MAGI2: variants seen among roughly 807,000 people sequenced by gnomAD.
The protein encoded by MAGI2 is membrane-associated guanylate kinase, WW and PDZ domain-containing protein 2.
Under a neutral mutation model 133.3 loss-of-function variants are expected in MAGI2, and 35 were observed. That is an observed-to-expected ratio of 0.26 (90% CI 0.20 to 0.35). The LOEUF is 0.35. Ranked by LOEUF, MAGI2 falls within the 10% of genes least tolerant of loss-of-function variation. The probability of loss-of-function intolerance (pLI) is 1.00; values close to 1 mark genes in which losing one functional copy is unlikely to be tolerated. For synonymous variants in MAGI2, 729 were observed against 710.6 expected (o/e 1.03, Z -0.41); for missense variants, 1,636 against 1,863.4 (o/e 0.88, Z 2.25).
intron 1 of MAGI2, among the ~76,000 whole-genome samples, chr7:79,134,271 A>G (rs1033307481): frequency 6.6e-6 from 1 of 152,230 alleles, no homozygotes; most frequent in Non-Finnish European, 1.5e-5. Flanking sequence ...TAATAATCAA[A>G]AGAGAAAAAT....
intron 10 of MAGI2, among the ~76,000 whole-genome samples, chr7:78,204,810 C>A (rs1829581364): frequency 6.6e-6 from 1 of 151,856 alleles, no homozygotes; most frequent in Non-Finnish European, 1.5e-5. Context: ...GAACATAAAA[C>A]AAAAGAGAAT....
At chr7:78,578,031 A>G (rs11764372) in intron 3 of MAGI2, among the ~76,000 whole-genome samples, 20 of 146,498 alleles carry the variant, frequency 1.4e-4, no homozygotes, top group Non-Finnish European at 2.2e-4. Context: ...TGTGAAAAAG[A>G]CCAAAAAAAA....
chr7:78,212,056 C>T (rs1787814701), intron 10 of MAGI2, among the ~76,000 whole-genome samples: 1 of 152,184 alleles, frequency 6.6e-6, no homozygotes, highest in African/African-American at 2.4e-5. Context: ...TTTGCATTTT[C>T]CTGTAAGTAT....
At chr7:78,191,225 T>C (rs898703423) in intron 12 of MAGI2, among the ~76,000 whole-genome samples, 1 of 151,528 alleles carries the variant, frequency 6.6e-6, no homozygotes, top group South Asian at 2.1e-4. Context: ...GGGGAAATAA[T>C]TCTTTTTTTT....
intron 1 of MAGI2, among the ~76,000 whole-genome samples, chr7:79,033,224 TGGACC>T (rs1810777273): frequency 6.6e-6 from 1 of 152,204 alleles, no homozygotes; most frequent in African/African-American, 2.4e-5. Context: ...CAGAAGGTGA[TGGACC>T]ATAGGCAAAT....
At chr7:78,485,741 G>A (rs901632968) in intron 6 of MAGI2, 2 of 151,872 alleles carry the variant, frequency 1.3e-5, no homozygotes, top group Non-Finnish European at 2.9e-5. Flanking sequence ...TAAATAGTAA[G>A]CACACATATA....
chr7:78,633,401 G>GT (rs375373847), intron 2 of MAGI2, among the ~76,000 whole-genome samples: 192 of 151,646 alleles, frequency 1.3e-3, no homozygotes, highest in African/African-American at 4.2e-3. Flanking sequence ...GAACCTAAAA[G>GT]TTTTTTTTTA....
chr7:78,939,924 C>T (rs1018876887), intron 2 of MAGI2: 3 of 152,138 alleles, frequency 2.0e-5, no homozygotes, highest in Non-Finnish European at 4.4e-5. Flanking sequence ...AATCTAAACA[C>T]GCTGTTGCCT....
At chr7:78,274,662 A>T (rs1247923159) in intron 9 of MAGI2, among the ~76,000 whole-genome samples, 1 of 151,980 alleles carries the variant, frequency 6.6e-6, no homozygotes, top group Non-Finnish European at 1.5e-5. Context: ...CTAGAGAGGA[A>T]GTCTGGCTGC....
chr7:79,058,109 G>T (rs1369251558), intron 1 of MAGI2, among the ~76,000 whole-genome samples: 1 of 151,950 alleles, frequency 6.6e-6, no homozygotes, highest in East Asian at 1.9e-4. Flanking sequence ...GAGGGGGGAA[G>T]AAGAACAAAG....
chr7:79,314,858 A>T (rs1471273934), intron 1 of MAGI2, among the ~76,000 whole-genome samples: 4 of 152,192 alleles, frequency 2.6e-5, no homozygotes, highest in Admixed American at 6.5e-5. Context: ...CTCTTGGTAG[A>T]ATTTTGGAGC....
At chr7:79,309,401 T>C (rs1326769913) in intron 1 of MAGI2, among the ~76,000 whole-genome samples, 1 of 150,318 alleles carries the variant, frequency 6.7e-6, no homozygotes, top group Non-Finnish European at 1.5e-5. Context: ...ATTATATCTA[T>C]ATATAATATA....
intron 2 of MAGI2, among the ~76,000 whole-genome samples, chr7:78,649,242 A>AAAAAAAAAAAAAAAAAAAAAAG (rs1554512645): frequency 6.7e-6 from 1 of 149,548 alleles, no homozygotes; most frequent in Non-Finnish European, 1.5e-5. Context: ...AAAAGAAAAA[A>AAAAAAAAAAAAAAAAAAAAAAG]AAAGAAAAAA....
intron 4 of MAGI2, among the ~76,000 whole-genome samples, chr7:78,511,931 TAA>T (rs369351062): frequency 1.4e-5 from 2 of 145,504 alleles, no homozygotes; most frequent in African/African-American, 5.0e-5. Context: ...TCGTCTCTAC[TAA>T]AAAAAAAACA....
At chr7:78,594,475 T>C (rs1489924264) in intron 3 of MAGI2, among the ~76,000 whole-genome samples, 1 of 152,228 alleles carries the variant, frequency 6.6e-6, no homozygotes, top group Non-Finnish European at 1.5e-5. Flanking sequence ...GTTGTTTTTT[T>C]TGAGACAGAG....
intron 1 of MAGI2, among the ~76,000 whole-genome samples, chr7:79,378,791 G>C (rs909487096): frequency 6.6e-6 from 1 of 150,652 alleles, no homozygotes; most frequent in Non-Finnish European, 1.5e-5. Context: ...CAGTGCGACT[G>C]AGGCATCTAG....
At chr7:79,413,871 T>A (rs997224886) in intron 1 of MAGI2, 1 of 152,212 alleles carries the variant, frequency 6.6e-6, no homozygotes, top group Non-Finnish European at 1.5e-5. Flanking sequence ...TCTGCATCTA[T>A]ACCACTCCTT....
At chr7:78,246,454 A>G (rs1791792093) in intron 10 of MAGI2, among the ~76,000 whole-genome samples, 1 of 152,112 alleles carries the variant, frequency 6.6e-6, no homozygotes. Flanking sequence ...ATCCCAGAGA[A>G]ACAGCATTGG....
At chr7:78,999,158 A>C (rs546961845) in intron 2 of MAGI2, among the ~76,000 whole-genome samples, 1 of 152,188 alleles carries the variant, frequency 6.6e-6, no homozygotes, top group African/African-American at 2.4e-5. Context: ...CTCCTATGAA[A>C]AAAAGGAAAG....
Sources: gnomAD v4.1 joint callset for allele counts (sites outside exome capture counted in the v4.1 genomes callset) on GRCh38, gnomAD v4.1.1 for gene constraint, MANE v1.5 for transcripts, NCBI Gene and HGNC (gene_info 2026-07-23, HGNC 2026-07-21) for gene names.